CCDC171: variants seen among roughly 807,000 people sequenced by gnomAD.
CCDC171 encodes the protein coiled-coil domain-containing protein 171.
In CCDC171, 177 loss-of-function variants were observed where a neutral mutation model predicts 168.2. The ratio of observed to expected loss-of-function variants is 1.05; its 90% CI spans 0.93 to 1.19. The LOEUF (loss-of-function observed/expected upper bound fraction) is 1.19, where lower values mean the gene tolerates loss of function less well. Among genes scored for constraint, CCDC171 ranks in the 50% most tolerant of loss-of-function variants. CCDC171 has a pLI of 0.00. For missense variants in CCDC171, 1,991 were observed against 1,539.0 expected (o/e 1.29, Z -4.91); for synonymous variants, 687 against 540.8 (o/e 1.27, Z -3.75).
intron 10 of CCDC171, among the ~76,000 whole-genome samples, chr9:15,681,902 C>T (rs1767978498): frequency 6.6e-6 from 1 of 152,056 alleles, no homozygotes; most frequent in African/African-American, 2.4e-5. Context: ...CATGATTTTA[C>T]ATACCCTAGT....
At chr9:15,946,240 A>G (rs1828364084) in intron 25 of CCDC171, among the ~76,000 whole-genome samples, 1 of 151,950 alleles carries the variant, frequency 6.6e-6, no homozygotes. Flanking sequence ...ATTGATCTAT[A>G]TCTCAGTTTT....
intron 21 of CCDC171, among the ~76,000 whole-genome samples, chr9:15,808,881 T>G (rs1352430600): frequency 2.0e-5 from 3 of 152,174 alleles, no homozygotes; most frequent in African/African-American, 7.2e-5. Context: ...TTGCTGGTTA[T>G]TGAGAAGTCT....
chr9:15,620,042 T>C (rs2044383913), intron 6 of CCDC171, among the ~76,000 whole-genome samples: 1 of 152,142 alleles, frequency 6.6e-6, no homozygotes, highest in African/African-American at 2.4e-5. Flanking sequence ...AAAAGATTCT[T>C]CTCAAAATAT....
intron 6 of CCDC171, among the ~76,000 whole-genome samples, chr9:15,614,760 A>G (rs1158589788): frequency 1.3e-5 from 2 of 152,236 alleles, no homozygotes; most frequent in Non-Finnish European, 2.9e-5. Flanking sequence ...GTGAAGGACT[A>G]AAAAGTTTCC....
intron 21 of CCDC171, among the ~76,000 whole-genome samples, chr9:15,796,566 T>C (rs958760166): frequency 2.0e-5 from 3 of 152,212 alleles, no homozygotes; most frequent in African/African-American, 7.2e-5. Context: ...TTAAAATATA[T>C]ATAGCTCAGT....
chr9:15,603,131 G>A (rs1358516096), intron 6 of CCDC171, among the ~76,000 whole-genome samples: 1 of 151,642 alleles, frequency 6.6e-6, no homozygotes, highest in Non-Finnish European at 1.5e-5. Flanking sequence ...ACAGGCGCCC[G>A]TCACCACGCC....
chr9:15,861,724 G>A (rs1018074215), intron 23 of CCDC171, among the ~76,000 whole-genome samples: 1 of 151,674 alleles, frequency 6.6e-6, no homozygotes, highest in African/African-American at 2.4e-5. Flanking sequence ...TTTACTTATA[G>A]TTGTTTTTAA....
chr9:16,031,232 A>G lies in CCDC171; in HGVS notation n.999-4225A>G, dbSNP rs543894676. 9.8e-5 allele frequency among the ~76,000 whole-genome samples: 15 copies of G among 152,346 alleles called. No individual in the cohort carries two copies. In the South Asian group the frequency reaches 1.5e-3, roughly 15 times the overall value. On this transcript the variant is annotated intron_variant and non_coding_transcript_variant, in intron 6 of 9. Transcript: ENST00000486641. ...ATAGCTTCTCCCAACTGGAACACCA[A>G]TGCATGTTCCACATGTGTGGGCATT...
At chr9:15,901,307 C>T (rs1773064) in intron 24 of CCDC171, among the ~76,000 whole-genome samples, 42,715 of 151,982 alleles carry the variant, frequency 0.28, 6,082 homozygotes, top group Admixed American at 0.33. Context: ...CATAGAATGT[C>T]CAACACCAAT....
At chr9:15,738,624 T>C (rs2054643738) in intron 16 of CCDC171, among the ~76,000 whole-genome samples, 1 of 152,116 alleles carries the variant, frequency 6.6e-6, no homozygotes, top group Non-Finnish European at 1.5e-5. Context: ...CATTCGATTT[T>C]TTTTTTTAAA....
At chr9:15,645,773 G>T (rs1000772780) in intron 7 of CCDC171, among the ~76,000 whole-genome samples, 2 of 152,164 alleles carry the variant, frequency 1.3e-5, no homozygotes, top group Non-Finnish European at 2.9e-5. Flanking sequence ...ACGTCTGATT[G>T]GTGTACCTGA....
At chr9:15,810,752 TGC>T (rs2059315770) in intron 21 of CCDC171, among the ~76,000 whole-genome samples, 1 of 152,170 alleles carries the variant, frequency 6.6e-6, no homozygotes, top group Admixed American at 6.5e-5. Context: ...CTGTGAGTGC[TGC>T]GCGCAGCCCT....
chr9:15,632,835 TAGAAC>T (rs2045847308), intron 7 of CCDC171, among the ~76,000 whole-genome samples: 1 of 152,112 alleles, frequency 6.6e-6, no homozygotes, highest in African/African-American at 2.4e-5. Context: ...TATAGATCAA[TAGAAC>T]AGAACAGAGC....
At chr9:15,887,143 G>A (rs1819533187) in intron 24 of CCDC171, among the ~76,000 whole-genome samples, 1 of 152,144 alleles carries the variant, frequency 6.6e-6, no homozygotes, top group Non-Finnish European at 1.5e-5. Context: ...GGGTAACTCT[G>A]TGAGGTGATA....
the CCDC171 span, among the ~76,000 whole-genome samples, chr9:16,069,204 A>G: frequency 0.041 from 6,245 of 152,308 alleles, 398 homozygotes; most frequent in African/African-American, 0.14. Flanking sequence ...TAATTCTCAG[A>G]AAAAAACATC....
intron 25 of CCDC171, among the ~76,000 whole-genome samples, chr9:15,964,450 T>C (rs1455437761): frequency 6.6e-6 from 1 of 152,160 alleles, no homozygotes; most frequent in African/African-American, 2.4e-5. Flanking sequence ...TCGAATTGTT[T>C]GGGAATGTAT....
At chr9:15,868,805 A>T (rs984697461) in intron 23 of CCDC171, among the ~76,000 whole-genome samples, 2 of 151,994 alleles carry the variant, frequency 1.3e-5, no homozygotes, top group Non-Finnish European at 2.9e-5. Context: ...TAACTATTTC[A>T]CAAGGTGGGT....
chr9:15,722,404 G>A (rs62571263), intron 12 of CCDC171, among the ~76,000 whole-genome samples: 18,363 of 152,176 alleles, frequency 0.12, 1,425 homozygotes, highest in Middle Eastern at 0.22. Context: ...TTAGTTTGCT[G>A]ATTGAAAAAG....
At chr9:16,059,728 A>G (rs530146767) in intron 1 of CCDC171, among the ~76,000 whole-genome samples, 2 of 150,276 alleles carry the variant, frequency 1.3e-5, no homozygotes, top group East Asian at 2.0e-4. Context: ...GTTAGCCAGG[A>G]TGGTCTCGAT....
Sources: gnomAD v4.1 joint callset for allele counts (sites outside exome capture counted in the v4.1 genomes callset) on GRCh38, gnomAD v4.1.1 for gene constraint, MANE v1.5 for transcripts, NCBI Gene and HGNC (gene_info 2026-07-23, HGNC 2026-07-21) for gene names.